RBFOX3: variants seen among roughly 807,000 people sequenced by gnomAD.
The protein encoded by RBFOX3 is RNA binding fox-1 homolog 3.
RBFOX3 carries 17 observed loss-of-function variants against 48.7 expected under a neutral mutation model. That is an observed-to-expected ratio of 0.35 (90% confidence interval 0.24 to 0.52). RBFOX3 has a LOEUF of 0.52. Ranked by LOEUF, RBFOX3 falls within the 20% of genes least tolerant of loss-of-function variation. The pLI is 0.94. For synonymous variants in RBFOX3, 212 were observed against 209.5 expected (o/e 1.01, Z -0.10); for missense variants, 382 against 497.5 (o/e 0.77, Z 2.21).
chr17:79,613,391 G>A (rs997957338), upstream of RBFOX3, among the ~76,000 whole-genome samples: 38 of 152,254 alleles, frequency 2.5e-4, no homozygotes, highest in African/African-American at 5.5e-4. Context: ...CTCAGCTGTC[G>A]TAGACAGGGA....
At chr17:79,402,624 C>A (rs1420267552) in intron 2 of RBFOX3, among the ~76,000 whole-genome samples, 1 of 152,160 alleles carries the variant, frequency 6.6e-6, no homozygotes, top group Non-Finnish European at 1.5e-5. Context: ...GGGCCAGGGC[C>A]TGGACGCTGA....
the RBFOX3 span, among the ~76,000 whole-genome samples, chr17:79,650,601 T>C: frequency 1.2e-4 from 19 of 152,206 alleles, no homozygotes; most frequent in East Asian, 2.1e-3. Context: ...AGCACAGTAC[T>C]GAAGGACTAT....
At chr17:79,537,254 C>T (rs1276817122) in intron 1 of RBFOX3, among the ~76,000 whole-genome samples, 4 of 152,182 alleles carry the variant, frequency 2.6e-5, no homozygotes, top group Non-Finnish European at 5.9e-5. Flanking sequence ...CTGGCATTGC[C>T]GGCGGTGCTC....
intron 2 of RBFOX3, among the ~76,000 whole-genome samples, chr17:79,350,435 T>C (rs552934713): frequency 3.5e-4 from 54 of 152,330 alleles, no homozygotes; most frequent in African/African-American, 1.1e-3. Context: ...TATAGGTTCT[T>C]AGAGTAAAAG....
intron 1 of RBFOX3, among the ~76,000 whole-genome samples, chr17:79,485,836 G>A (rs973894040): frequency 5.9e-5 from 9 of 152,302 alleles, no homozygotes; most frequent in African/African-American, 1.4e-4. Flanking sequence ...AGGCGAAGGC[G>A]CTGCATCCTA....
intron 2 of RBFOX3, among the ~76,000 whole-genome samples, chr17:79,377,385 G>A (rs952012672): frequency 2.0e-5 from 3 of 146,664 alleles, no homozygotes; most frequent in Non-Finnish European, 4.5e-5. Context: ...ACATCCATGT[G>A]GAGACACACA....
intron 2 of RBFOX3, among the ~76,000 whole-genome samples, chr17:79,356,367 T>TTTTTTTGGAGGTTTTTG (rs1568101075): frequency 1.3e-5 from 1 of 76,998 alleles, no homozygotes; most frequent in African/African-American, 4.7e-5. Context: ...TTTTTTTTTT[T>TTTTTTTGGAGGTTTTTG]TTTTTTTTTT....
chr17:79,185,310 TTGA>T (rs1393288142), intron 4 of RBFOX3, among the ~76,000 whole-genome samples: 1 of 152,180 alleles, frequency 6.6e-6, no homozygotes, highest in Non-Finnish European at 1.5e-5. Context: ...GGCTATGGAC[TTGA>T]TGAGGCCCTC....
chr17:79,602,408 T>C (rs2093724998), intron 1 of RBFOX3, among the ~76,000 whole-genome samples: 1 of 152,372 alleles, frequency 6.6e-6, no homozygotes, highest in East Asian at 1.9e-4. Flanking sequence ...AATACTTGAA[T>C]AATGTACCCT....
intron 2 of RBFOX3, among the ~76,000 whole-genome samples, chr17:79,425,024 C>G (rs540676814): frequency 6.6e-6 from 1 of 152,278 alleles, no homozygotes; most frequent in South Asian, 2.1e-4. Flanking sequence ...CACTCACGCC[C>G]TGCTAACCCC....
chr17:79,155,332 T>A (rs2045536918), intron 4 of RBFOX3, among the ~76,000 whole-genome samples: 1 of 152,004 alleles, frequency 6.6e-6, no homozygotes, highest in Non-Finnish European at 1.5e-5. Flanking sequence ...CCCTCCCCGC[T>A]CCTCGGGCAA....
chr17:79,394,537 C>A (rs1214386919), intron 2 of RBFOX3, among the ~76,000 whole-genome samples: 4 of 152,216 alleles, frequency 2.6e-5, no homozygotes, highest in Non-Finnish European at 5.9e-5. Flanking sequence ...CCTTCTCCAT[C>A]CACTCCAGGA....
rs2056034542 is a variant in RBFOX3, at chr17:79,198,082, CG to C, written c.-34+37683del. 6.8e-6 allele frequency among the ~76,000 whole-genome samples: 1 copy of C among 147,708 alleles called. No individual in the cohort carries two copies. Among genetic ancestry groups the C allele is most frequent in the African/African-American group, 2.6e-5 (1 of 39,128 alleles). ...GTCGTGTGGGGTGGGCTTGTCATCC[CG>C]GAAGTGCTACGGTTGCATCGTGTGG... On this transcript the variant is annotated intron_variant, in intron 4 of 14. Transcript: ENST00000693108. The surrounding 1 kb of genome is among the most constrained non-coding windows in gnomAD (Gnocchi z 8.2).
At chr17:79,512,868 C>T (rs2084618897) in intron 1 of RBFOX3, among the ~76,000 whole-genome samples, 2 of 144,892 alleles carry the variant, frequency 1.4e-5, no homozygotes. Context: ...AGGGGACGCA[C>T]ACCCGGATAC....
intron 1 of RBFOX3, among the ~76,000 whole-genome samples, chr17:79,547,600 C>T (rs1391099229): frequency 2.0e-5 from 3 of 152,218 alleles, no homozygotes; most frequent in Admixed American, 6.5e-5. Flanking sequence ...CCCAAACAAA[C>T]ACACACCCCC....
At chr17:79,555,193 G>A (rs2091527541) in intron 1 of RBFOX3, among the ~76,000 whole-genome samples, 1 of 152,216 alleles carries the variant, frequency 6.6e-6, no homozygotes, top group East Asian at 1.9e-4. Context: ...AAAATCACAT[G>A]GGTGATAGCT....
the RBFOX3 span, among the ~76,000 whole-genome samples, chr17:79,627,013 C>A: frequency 6.6e-6 from 1 of 152,220 alleles, no homozygotes; most frequent in Non-Finnish European, 1.5e-5. Context: ...ATGCACCCAG[C>A]AAATAATACT....
chr17:79,569,945 A>G (rs1406551027), intron 1 of RBFOX3, among the ~76,000 whole-genome samples: 1 of 151,762 alleles, frequency 6.6e-6, no homozygotes, highest in Non-Finnish European at 1.5e-5. Context: ...TGGATAATAG[A>G]TGGATGGTAG....
At chr17:79,545,610 TCCCTTCCAAA>T (rs2090319822) in intron 1 of RBFOX3, among the ~76,000 whole-genome samples, 1 of 152,154 alleles carries the variant, frequency 6.6e-6, no homozygotes, top group Non-Finnish European at 1.5e-5. Flanking sequence ...ATGTCTGCCT[TCCCTTCCAAA>T]CACTTCCAAG....
Sources: gnomAD v4.1 joint callset for allele counts (sites outside exome capture counted in the v4.1 genomes callset) on GRCh38, gnomAD v4.1.1 for gene constraint, Gnocchi (gnomAD v3.1) non-coding constraint, MANE v1.5 for transcripts, NCBI Gene and HGNC (gene_info 2026-07-23, HGNC 2026-07-21) for gene names.